Variants in PROSER1 observed in about 807,000 individuals in gnomAD.
PROSER1 encodes proline and serine rich 1.
In PROSER1, 36 loss-of-function variants were observed where a neutral mutation model predicts 71.8. The observed-to-expected ratio is 0.50, with a 90% CI of 0.38 to 0.66. The LOEUF (loss-of-function observed/expected upper bound fraction) is 0.66. Ranked by LOEUF, PROSER1 falls within the 30% of genes least tolerant of loss-of-function variation. PROSER1 has a pLI of 0.00. For missense variants in PROSER1, 1,107 were observed against 1,135.0 expected, an observed-to-expected ratio of 0.98 and a Z score of 0.35; for synonymous variants, 490 against 452.4, an observed-to-expected ratio of 1.08 and a Z score of -1.06.
In PROSER1 at chr13:39,012,845, G is replaced by A. The variant is rs1022195630; in HGVS notation, c.2407C>T (p.Leu803Phe). 9.3e-6 allele frequency: 15 copies of A among 1,614,214 alleles called. No homozygotes were observed. The South Asian group carries it at 9.9e-5, about 11-fold the overall frequency. Residue 803 changes from leucine to phenylalanine, a missense_variant, in exon 11 of 13, where the codon CTT becomes TTT. Coordinates refer to ENST00000352251, the MANE Select transcript of PROSER1 (RefSeq NM_025138.5). ...GCCTGCAGCCCCGGGAATGAGGGAA[G>A]AGCAGGGGTAACGCTTGGGGTATTA... ...VSNTPSVTPA[L>F]PSFPGLQAPS...
intron 9 of PROSER1, among the ~76,000 whole-genome samples, chr13:39,019,788 GAAC>G (rs1481650346): frequency 6.6e-6 from 1 of 151,264 alleles, no homozygotes; most frequent in Non-Finnish European, 1.5e-5. Flanking sequence ...GAAGGACTAA[GAAC>G]AAATGTGTAA....
chr13:39,037,803 G>A lies in PROSER1; in HGVS notation c.-561C>T, dbSNP rs1336874426. 6.6e-6 allele frequency: 1 copy of A among 152,252 alleles called. No individual in the cohort carries two copies. The highest frequency in any genetic ancestry group is 1.5e-5 in the Non-Finnish European group (1 of 68,132). The allele number at this position is 152,252 out of a possible 1,614,324, so 9.4% of individuals were successfully genotyped here. A position where few individuals can be genotyped will look rare whatever the true frequency, so the allele number is the denominator to read the frequency against. On this transcript the variant is annotated 5_prime_UTR_variant, in exon 1 of 13. Coordinates refer to ENST00000352251, the MANE Select transcript of PROSER1 (RefSeq NM_025138.5). ...GCTCGCGCTCATCCCCAGCCGCTCC[G>A]CCCGACTCCTGGATACCTCGGCCCC... is the stretch of plus-strand genomic sequence containing the variant.
intron 9 of PROSER1, among the ~76,000 whole-genome samples, chr13:39,022,016 CTT>C (rs1314230042): frequency 1.3e-5 from 2 of 152,202 alleles, no homozygotes; most frequent in African/African-American, 4.8e-5. Context: ...AGACTAAACT[CTT>C]TGCAAACATG....
chr13:39,030,284 G>A (rs1870774891), intron 3 of PROSER1, among the ~76,000 whole-genome samples: 2 of 152,110 alleles, frequency 1.3e-5, no homozygotes. Flanking sequence ...CTCATTTATG[G>A]AAATATTTAT....
rs1871236401 is a variant in PROSER1, at chr13:39,037,977, AC to A, written c.-736del. Reference sequence around the variant, plus strand: ...AAAAACGCAGCCCCAACAGCGCCAGACGCCCTGCCTGGTTACCCCTACAGCC... The same window carrying A: ...AAAAACGCAGCCCCAACAGCGCCAGAGCCCTGCCTGGTTACCCCTACAGCC... On this transcript the variant is annotated 5_prime_UTR_variant, in exon 1 of 13. Coordinates refer to ENST00000352251, the MANE Select transcript of PROSER1 (RefSeq NM_025138.5). 1 of 152,570 alleles carries A rather than the reference AC, an allele frequency of 6.6e-6. No homozygotes were observed. The highest frequency in any genetic ancestry group is 6.5e-5 in the Admixed American group (1 of 15,278). 9.5% of individuals were successfully genotyped at this position (152,570 alleles called of 1,614,324 possible). A position where few individuals can be genotyped will look rare whatever the true frequency, so the allele number is the denominator to read the frequency against.
intron 2 of PROSER1, among the ~76,000 whole-genome samples, chr13:39,033,035 C>T (rs1189908947): frequency 1.3e-5 from 2 of 152,136 alleles, no homozygotes; most frequent in Admixed American, 1.3e-4. Context: ...ATTCTCCAGC[C>T]TCAGCCTCCT....
intron 8 of PROSER1, 164 bp downstream of exon 8, chr13:39,022,888 G>A: frequency 1.8e-6 from 1 of 555,600 alleles, no homozygotes; most frequent in South Asian, 2.8e-5. Context: ...CTGCTGCAGT[G>A]TTGTAGGCCA....
At chr13:39,022,070 T>C (rs1593533329) in intron 9 of PROSER1, among the ~76,000 whole-genome samples, 1 of 152,218 alleles carries the variant, frequency 6.6e-6, no homozygotes, top group East Asian at 1.9e-4. Flanking sequence ...CAACACATGA[T>C]AGGGTCACCT....
At chr13:39,033,503 T>C (rs888375943) in intron 2 of PROSER1, among the ~76,000 whole-genome samples, 5 of 152,244 alleles carry the variant, frequency 3.3e-5, no homozygotes, top group Non-Finnish European at 7.3e-5. Flanking sequence ...ACATTTCTAT[T>C]AATATTTATG....
intron 2 of PROSER1, among the ~76,000 whole-genome samples, chr13:39,032,922 A>ATTT (rs11405662): frequency 2.8e-5 from 4 of 145,050 alleles, no homozygotes; most frequent in Non-Finnish European, 4.6e-5. Flanking sequence ...AAAACATTTA[A>ATTT]TTTTTTTTTT....
chr13:39,017,711 T>C lies in PROSER1; in HGVS notation c.731-167A>G, dbSNP rs867397483. The C allele has an allele frequency of 9.3e-6, 5 of 535,240 alleles. No individual in the cohort carries two copies. In the South Asian group the frequency reaches 1.2e-4, roughly 13 times the overall value. The allele number at this position is 535,240 out of a possible 1,614,324, so 33.2% of individuals were successfully genotyped here. ...AAATAAATAAAAATAGTAGTAACTC[T>C]ACTATTATTACTACTAATACTTTAC... is the stretch of plus-strand genomic sequence containing the variant. On this transcript the variant is annotated intron_variant, in intron 9 of 12. Transcript: ENST00000352251.
chr13:39,019,082 C>T (rs554437254), intron 9 of PROSER1, among the ~76,000 whole-genome samples: 6 of 152,152 alleles, frequency 3.9e-5, no homozygotes, highest in African/African-American at 1.2e-4. Context: ...TTATAACAGG[C>T]ACATCAAGAC....
intron 3 of PROSER1, 54 bp downstream of exon 3, chr13:39,031,509 G>C: frequency 8.1e-7 from 1 of 1,238,480 alleles, no homozygotes; most frequent in South Asian, 1.3e-5. Flanking sequence ...ACACAACTGG[G>C]AGAATTAAAA....
At chr13:39,027,059 TTA>T (rs1479803117) in intron 5 of PROSER1, among the ~76,000 whole-genome samples, 3 of 145,144 alleles carry the variant, frequency 2.1e-5, no homozygotes, top group Admixed American at 1.3e-4. Flanking sequence ...TGTATCTATA[TTA>T]TGTTATAGAA....
At chr13:39,022,555 T>C (rs1342935160) in intron 8 of PROSER1, 143 bp from the exon 9 acceptor site, 2 of 580,588 alleles carry the variant, frequency 3.4e-6, no homozygotes, top group East Asian at 5.7e-5. Flanking sequence ...TGATTTTATA[T>C]GGAGGTTTAT....
chr13:39,028,078 G>A (rs947601772), intron 5 of PROSER1, 149 bp downstream of exon 5: 7 of 439,126 alleles, frequency 1.6e-5, no homozygotes, highest in South Asian at 8.6e-5. Context: ...CTATTTCCAC[G>A]CCGCAGACCG....
chr13:39,012,877 G>C lies in PROSER1; in HGVS notation c.2375C>G (p.Ser792Cys), dbSNP rs1475435908. The C allele has an allele frequency of 6.2e-7, 1 of 1,614,082 alleles. No homozygotes were observed. The highest frequency in any genetic ancestry group is 2.2e-5 in the East Asian group (1 of 44,900). ...GGTAACGCTTGGGGTATTAGAGACA[G>C]AAAAGCCTGGATAGGAGGGATTTGA... ...SSSNPSYPGF[S>C]VSNTPSVTPA... The change falls in exon 11 of 13, where the codon TCT becomes TGT. Residue 792 changes from serine to cysteine, a missense_variant. Ser to Cys is a moderately radical substitution (Grantham distance 112). Transcript: ENST00000352251.
At chr13:39,014,695 T>G (rs112652564) in intron 10 of PROSER1, among the ~76,000 whole-genome samples, 97 of 152,336 alleles carry the variant, frequency 6.4e-4, no homozygotes, top group African/African-American at 2.2e-3. Flanking sequence ...CTGCTCAAAA[T>G]AGCCCTCCAA....
chr13:39,031,574 C>T lies in PROSER1; in HGVS notation c.169G>A (p.Ala57Thr), dbSNP rs1262699345. ...WAEPQLKAMKALQHKMVAVQP... is the reference protein window; with the variant it reads ...WAEPQLKAMKTLQHKMVAVQP... ...AATAAGTTACTTACATGCTGTAATG[C>T]TTTCATTGCCTTCAACTGGGGCTCG... is the stretch of plus-strand genomic sequence containing the variant. Residue 57 changes from alanine (A) to threonine (T), a missense_variant, in exon 3 of 13, where the codon GCA becomes ACA. Transcript: ENST00000352251. The T allele has an allele frequency of 6.2e-7, 1 of 1,610,088 alleles. No homozygotes were observed. The highest frequency in any genetic ancestry group is 8.5e-7 in the Non-Finnish European group (1 of 1,178,114).
Sources: allele counts gnomAD v4.1 joint callset (sites outside exome capture counted in the v4.1 genomes callset), GRCh38; gene constraint gnomAD v4.1.1; transcripts MANE v1.5; gene names NCBI Gene and HGNC (gene_info 2026-07-23, HGNC 2026-07-21).